Variants in BACE1 observed in about 807,000 individuals in gnomAD.
The protein encoded by BACE1 is APP beta-secretase.
BACE1 carries 21 observed loss-of-function variants against 54.0 expected under a neutral mutation model. The observed-to-expected ratio is 0.39, with a 90% CI of 0.28 to 0.56. The LOEUF (loss-of-function observed/expected upper bound fraction) is 0.56, where lower values mean the gene tolerates loss of function less well. BACE1 is among the 20% of genes least tolerant of loss of function. The pLI, the probability that BACE1 is intolerant of heterozygous loss-of-function variation, is 0.63. For missense variants in BACE1, 511 were observed against 661.2 expected (o/e 0.77, Z 2.49); for synonymous variants, 232 against 260.9 (o/e 0.89, Z 1.07).
Position 117,286,548 on chromosome 11 carries a change from T to C in BACE1, c.*3018A>G, listed in dbSNP as rs2034267185. 6.6e-6 allele frequency: 1 copy of C among 152,658 alleles called. No individual in the cohort carries two copies. Among genetic ancestry groups the C allele is most frequent in the Non-Finnish European group, 1.5e-5 (1 of 68,038 alleles). The allele number at this position is 152,658 out of a possible 1,614,324, so 9.5% of individuals were successfully genotyped here. On this transcript the variant is annotated 3_prime_UTR_variant, in exon 9 of 9. Coordinates refer to ENST00000313005, the MANE Select transcript of BACE1 (RefSeq NM_012104.6). Reference sequence around the variant, plus strand: ...TTTCCATTCTGGGACCTAAAATGCTTACAGGTACTAGCAGTACATGTCGGA... The same window carrying C: ...TTTCCATTCTGGGACCTAAAATGCTCACAGGTACTAGCAGTACATGTCGGA...
intron 1 of BACE1, among the ~76,000 whole-genome samples, chr11:117,309,036 G>A (rs1425349435): frequency 6.6e-6 from 1 of 152,146 alleles, no homozygotes; most frequent in Non-Finnish European, 1.5e-5. Context: ...AGTCAGAGAG[G>A]TTAAATAAAG....
At position 117,286,647 on chromosome 11, in the gene BACE1, C is replaced by T. The variant is rs1378120034; in HGVS notation, c.*2919G>A. 1 of 152,700 alleles carries T rather than the reference C, an allele frequency of 6.5e-6. No individual in the cohort carries two copies. Among genetic ancestry groups the T allele is most frequent in the Admixed American group, 6.5e-5 (1 of 15,272 alleles). The allele number at this position is 152,700 out of a possible 1,614,324, so 9.5% of individuals were successfully genotyped here. Reference sequence around the variant, plus strand: ...CTTTGATACTCTTTTCCTTCTTTGTCTTTCATCCTTGCCTATCACCTCACA... The same window carrying T: ...CTTTGATACTCTTTTCCTTCTTTGTTTTTCATCCTTGCCTATCACCTCACA... On this transcript the variant is annotated 3_prime_UTR_variant, in exon 9 of 9. Transcript: ENST00000313005.
At chr11:117,308,730 C>CT (rs2034885268) in intron 1 of BACE1, among the ~76,000 whole-genome samples, 1 of 152,018 alleles carries the variant, frequency 6.6e-6, no homozygotes, top group Non-Finnish European at 1.5e-5. Flanking sequence ...CGGGCGGTCA[C>CT]TTGAGGTCAG....
chr11:117,289,972 G>A (rs1293479548), intron 8 of BACE1, among the ~76,000 whole-genome samples, 165 bp from the exon 9 acceptor site: 1 of 152,152 alleles, frequency 6.6e-6, no homozygotes, highest in Admixed American at 6.5e-5. Context: ...CCAGGTAGAG[G>A]CCTGTCTCCC....
intron 1 of BACE1, among the ~76,000 whole-genome samples, chr11:117,303,073 A>G (rs2034759002): frequency 6.6e-6 from 1 of 152,080 alleles, no homozygotes; most frequent in African/African-American, 2.4e-5. Flanking sequence ...GAGCTAATCT[A>G]CCCTGTTTTT....
intron 1 of BACE1, among the ~76,000 whole-genome samples, chr11:117,307,236 C>A (rs1239201226): frequency 1.3e-5 from 2 of 152,222 alleles, no homozygotes; most frequent in African/African-American, 4.8e-5. Context: ...GCCCAGGCAC[C>A]TGAAAGAGAA....
At position 117,291,696 on chromosome 11, in the gene BACE1, T is replaced by C. The variant is rs1565356984; in HGVS notation, c.942+16A>G. The C allele has an allele frequency of 1.3e-6, 2 of 1,583,062 alleles. No individual in the cohort carries two copies. The highest frequency in any genetic ancestry group is 1.7e-5 in the Admixed American group (1 of 59,918). ...CACTGTACCATCTCTTTTACCCCCA[T>C]CCTTAGTCCACTCACGGAGGAGGCT... On this transcript the variant is annotated intron_variant, in intron 6 of 8. Coordinates refer to ENST00000313005, the MANE Select transcript of BACE1 (RefSeq NM_012104.6).
rs1278419962 is a variant in BACE1 at position 117,288,768 on chromosome 11, A to C, written c.*798T>G. On this transcript the variant is annotated 3_prime_UTR_variant, in exon 9 of 9. Transcript: ENST00000313005. ...GCACTTCATTTAAGAGAGCTAAAAA[A>C]GAGCTCTTTGGCTAGATAAGCCCTT... 6.6e-6 allele frequency: 1 copy of C among 152,304 alleles called. No homozygotes were observed. The highest frequency in any genetic ancestry group is 2.4e-5 in the African/African-American group (1 of 41,466). The allele number at this position is 152,304 out of a possible 1,614,324, so 9.4% of individuals were successfully genotyped here.
intron 1 of BACE1, among the ~76,000 whole-genome samples, chr11:117,313,204 CTTAG>C (rs1157436537): frequency 3.3e-5 from 5 of 152,118 alleles, no homozygotes; most frequent in Non-Finnish European, 5.9e-5. Context: ...CTGATGCAGG[CTTAG>C]TTAGAAATCA....
rs910710703 is a variant in BACE1, at chr11:117,316,077, C to T, written c.-282G>A. ...CTGGGCAGCGGGCGCGGGCTCCCGG[C>T]GGGGCTGGGAGGGGCGGGCATGGCG... On this transcript the variant is annotated 5_prime_UTR_variant, in exon 1 of 9. Coordinates refer to ENST00000313005, the MANE Select transcript of BACE1 (RefSeq NM_012104.6). 2.9e-5 allele frequency: 10 copies of T among 346,530 alleles called. No individual in the cohort carries two copies. Among genetic ancestry groups the T allele is most frequent in the African/African-American group, 1.7e-4 (8 of 46,248 alleles). 21.5% of individuals were successfully genotyped at this position (346,530 alleles called of 1,614,324 possible). A position where few individuals can be genotyped will look rare whatever the true frequency, so the allele number is the denominator to read the frequency against.
chr11:117,303,734 C>G (rs537188323), intron 1 of BACE1, among the ~76,000 whole-genome samples: 5 of 152,338 alleles, frequency 3.3e-5, no homozygotes, highest in Non-Finnish European at 5.9e-5. Context: ...AGTGGGGGCT[C>G]TAGCTCCAAT....
intron 6 of BACE1, 107 bp from the exon 7 acceptor site, chr11:117,291,156 A>G (rs1425883359): frequency 1.1e-5 from 16 of 1,404,348 alleles, no homozygotes; most frequent in Non-Finnish European, 1.5e-5. Flanking sequence ...TTCCAGTGAA[A>G]TATCTAAAGT....
At chr11:117,297,028 C>T (rs1446597672) in intron 1 of BACE1, 67 bp from the exon 2 acceptor site, 1 of 1,149,498 alleles carries the variant, frequency 8.7e-7, no homozygotes, top group Non-Finnish European at 1.3e-6. Context: ...CCTTTATTAT[C>T]CCTCACGCCC....
chr11:117,307,158 G>A (rs2034848857), intron 1 of BACE1, among the ~76,000 whole-genome samples: 1 of 152,144 alleles, frequency 6.6e-6, no homozygotes, highest in South Asian at 2.1e-4. Flanking sequence ...GTCGCATCCT[G>A]CCAGGAGAAT....
intron 1 of BACE1, among the ~76,000 whole-genome samples, chr11:117,314,989 G>A (rs28917237): frequency 3.3e-5 from 5 of 152,254 alleles, no homozygotes; most frequent in Admixed American, 2.6e-4. Flanking sequence ...GCTTCCGGGC[G>A]GAGTGCAGTC....
rs1203252026 is a variant in BACE1, at chr11:117,289,263, G to T, written c.*303C>A. The T allele has an allele frequency of 8.9e-6, 3 of 336,750 alleles. No homozygotes were observed. The highest frequency in any genetic ancestry group is 1.7e-5 in the Non-Finnish European group (3 of 180,242). The allele number at this position is 336,750 out of a possible 1,614,324, so 20.9% of individuals were successfully genotyped here. A position where few individuals can be genotyped will look rare whatever the true frequency, so the allele number is the denominator to read the frequency against. On this transcript the variant is annotated 3_prime_UTR_variant, in exon 9 of 9. Transcript: ENST00000313005. Reference sequence around the variant, plus strand: ...TTTGGGTTGGAGAATTTAAAGGAATGGTGGACAAAGGTTCAGGGCTGAAGT... The same window carrying T: ...TTTGGGTTGGAGAATTTAAAGGAATTGTGGACAAAGGTTCAGGGCTGAAGT...
chr11:117,308,073 T>G (rs2034871253), intron 1 of BACE1, among the ~76,000 whole-genome samples: 1 of 151,280 alleles, frequency 6.6e-6, no homozygotes, highest in African/African-American at 2.4e-5. Flanking sequence ...GATGGCTTGG[T>G]GACAGGAAGG....
intron 8 of BACE1, among the ~76,000 whole-genome samples, 199 bp downstream of exon 8, chr11:117,290,289 T>G (rs902076236): frequency 7.9e-5 from 12 of 152,046 alleles, no homozygotes; most frequent in Non-Finnish European, 1.3e-4. Context: ...AGGTTACCAA[T>G]CCAGGCAGTG....
rs151158993 is a variant in BACE1, at chr11:117,308,032, A to T, written c.261+7503T>A. 1.9e-3 allele frequency among the ~76,000 whole-genome samples: 246 copies of T among 129,298 alleles called. 1 individual carries two copies. Among genetic ancestry groups the T allele is most frequent in the African/African-American group, 6.7e-3 (233 of 34,626 alleles). 84.8% of individuals were successfully genotyped at this position (129,298 alleles called of 152,430 possible). ...ACAATAAAAGCAAAGTTATCCTGGGATGCTCAGGAGATTTGGGGCGGGGGG... is the reference window on the plus strand; with the variant it reads ...ACAATAAAAGCAAAGTTATCCTGGGTTGCTCAGGAGATTTGGGGCGGGGGG... On this transcript the variant is annotated intron_variant, in intron 1 of 8. Coordinates refer to ENST00000313005, the MANE Select transcript of BACE1 (RefSeq NM_012104.6).
Sources: gnomAD v4.1 joint callset for allele counts (sites outside exome capture counted in the v4.1 genomes callset) on GRCh38, gnomAD v4.1.1 for gene constraint, MANE v1.5 for transcripts, NCBI Gene and HGNC (gene_info 2026-07-23, HGNC 2026-07-21) for gene names.